Variants in ABTB3 observed in about 807,000 individuals in gnomAD.
ABTB3 encodes the protein ankyrin repeat- and BTB/POZ domain-containing protein 3.
chr12:107,612,256 T>G, the ABTB3 span, among the ~76,000 whole-genome samples: 4 of 152,242 alleles, frequency 2.6e-5, no homozygotes, highest in Admixed American at 6.5e-5. Flanking sequence ...CTCATTTGCT[T>G]GCCTTTTGCT....
At chr12:107,508,434 A>ATTTTTTTTTTTTTTTT in the ABTB3 span, among the ~76,000 whole-genome samples, 42 of 58,704 alleles carry the variant, frequency 7.2e-4, 1 homozygote, top group Non-Finnish European at 1.2e-3. Flanking sequence ...CTCAAAGATC[A>ATTTTTTTTTTTTTTTT]TTTCTTTTTT....
chr12:107,322,382 A>G, the ABTB3 span, among the ~76,000 whole-genome samples: 1 of 152,186 alleles, frequency 6.6e-6, no homozygotes, highest in Non-Finnish European at 1.5e-5. Flanking sequence ...CTTGTTTAAA[A>G]TGGCAGGTTG....
At chr12:107,646,875 A>T in the ABTB3 span, among the ~76,000 whole-genome samples, 1 of 151,392 alleles carries the variant, frequency 6.6e-6, no homozygotes, top group Non-Finnish European at 1.5e-5. Context: ...GCCCCACTGC[A>T]GATGACCGCT....
At chr12:107,335,956 T>C in the ABTB3 span, among the ~76,000 whole-genome samples, 2 of 152,146 alleles carry the variant, frequency 1.3e-5, no homozygotes, top group African/African-American at 4.8e-5. Flanking sequence ...TGAAGATGAC[T>C]CTCCCTTCCT....
chr12:107,398,793 G>A, the ABTB3 span, among the ~76,000 whole-genome samples: 11 of 152,190 alleles, frequency 7.2e-5, no homozygotes, highest in Admixed American at 4.6e-4. Context: ...AGTTTATGCA[G>A]TAAATTGCTG....
At chr12:107,406,376 G>A in the ABTB3 span, among the ~76,000 whole-genome samples, 1 of 152,182 alleles carries the variant, frequency 6.6e-6, no homozygotes, top group African/African-American at 2.4e-5. Context: ...ACTGTAGTGA[G>A]CTATGATCAC....
the ABTB3 span, among the ~76,000 whole-genome samples, chr12:107,413,222 C>G: frequency 6.6e-6 from 1 of 151,788 alleles, no homozygotes; most frequent in Non-Finnish European, 1.5e-5. Flanking sequence ...TGCAGTGAGC[C>G]GAGATCGCGC....
the ABTB3 span, among the ~76,000 whole-genome samples, chr12:107,345,823 A>T: frequency 4.6e-5 from 7 of 152,216 alleles, no homozygotes; most frequent in Non-Finnish European, 8.8e-5. Flanking sequence ...AAGAGGAAAC[A>T]GTGGGTAGAA....
chr12:107,534,648 G>T, the ABTB3 span, among the ~76,000 whole-genome samples: 1 of 152,164 alleles, frequency 6.6e-6, no homozygotes, highest in Non-Finnish European at 1.5e-5. Context: ...GATCATTAGA[G>T]ACTATTATGA....
At chr12:107,356,039 C>T in the ABTB3 span, among the ~76,000 whole-genome samples, 14 of 152,180 alleles carry the variant, frequency 9.2e-5, no homozygotes, top group Non-Finnish European at 1.8e-4. Flanking sequence ...GTTTGATGTG[C>T]TAGTTTTATT....
the ABTB3 span, among the ~76,000 whole-genome samples, chr12:107,553,674 C>T: frequency 6.6e-6 from 1 of 152,158 alleles, no homozygotes; most frequent in African/African-American, 2.4e-5. Flanking sequence ...CGTGGTGGCT[C>T]AAACCTGTAA....
At chr12:107,578,056 C>T in the ABTB3 span, among the ~76,000 whole-genome samples, 1 of 152,136 alleles carries the variant, frequency 6.6e-6, no homozygotes, top group Non-Finnish European at 1.5e-5. Flanking sequence ...TCAGCATTCT[C>T]CACCCTCTCC....
At chr12:107,549,102 C>T in the ABTB3 span, among the ~76,000 whole-genome samples, 2 of 152,140 alleles carry the variant, frequency 1.3e-5, no homozygotes, top group African/African-American at 4.8e-5. Context: ...ACATTTATAT[C>T]AGGGAAATGT....
At chr12:107,348,461 G>A in the ABTB3 span, among the ~76,000 whole-genome samples, 2 of 152,132 alleles carry the variant, frequency 1.3e-5, no homozygotes, top group Admixed American at 6.6e-5. Flanking sequence ...CACGCCTGGT[G>A]CAGTGGCTCA....
chr12:107,617,556 G>A, the ABTB3 span: 2 of 1,364,068 alleles, frequency 1.5e-6, no homozygotes, highest in Non-Finnish European at 2.0e-6. Context: ...AGTGTGAAGT[G>A]GTCCAGGCCC....
At chr12:107,403,880 T>C in the ABTB3 span, among the ~76,000 whole-genome samples, 1 of 152,100 alleles carries the variant, frequency 6.6e-6, no homozygotes, top group South Asian at 2.1e-4. Context: ...AAACAGCATA[T>C]GGCCGGGCGC....
chr12:107,433,914 C>T, the ABTB3 span, among the ~76,000 whole-genome samples: 1 of 152,180 alleles, frequency 6.6e-6, no homozygotes, highest in Non-Finnish European at 1.5e-5. Flanking sequence ...TAGGTTTCAG[C>T]CTGCCAACTT....
chr12:107,326,107 G>A, the ABTB3 span, among the ~76,000 whole-genome samples: 1 of 152,126 alleles, frequency 6.6e-6, no homozygotes, highest in Non-Finnish European at 1.5e-5. Context: ...GTTTCACCAT[G>A]CTGGCCAGGC....
the ABTB3 span, among the ~76,000 whole-genome samples, chr12:107,542,442 G>C: frequency 2.0e-5 from 3 of 152,130 alleles, no homozygotes; most frequent in East Asian, 5.8e-4. Context: ...TGATTATAGA[G>C]TGATTCTTTT....
Sources: allele counts gnomAD v4.1 joint callset (sites outside exome capture counted in the v4.1 genomes callset), GRCh38; gene constraint gnomAD v4.1.1; transcripts MANE v1.5; gene names NCBI Gene and HGNC (gene_info 2026-07-23, HGNC 2026-07-21).